CADM2: variants seen among roughly 807,000 people sequenced by gnomAD.
The protein encoded by CADM2 is cell adhesion molecule 2, also known as immunoglobulin superfamily member 4D.
A neutral mutation model predicts 49.8 loss-of-function variants in CADM2; 12 were observed. The ratio of observed to expected loss-of-function variants is 0.24; its 90% CI spans 0.15 to 0.39. The LOEUF (loss-of-function observed/expected upper bound fraction) is 0.39. Among genes scored for constraint, CADM2 ranks in the 10% least tolerant of loss-of-function variants. The pLI, the probability that CADM2 is intolerant of heterozygous loss-of-function variation, is 1.00. For missense variants in CADM2, 378 were observed against 492.3 expected, an observed-to-expected ratio of 0.77 and a Z score of 2.20; for synonymous variants, 214 against 175.4, an observed-to-expected ratio of 1.22 and a Z score of -1.74.
At chr3:85,592,581 T>C (rs549286102) in intron 1 of CADM2, among the ~76,000 whole-genome samples, 1 of 152,076 alleles carries the variant, frequency 6.6e-6, no homozygotes, top group African/African-American at 2.4e-5. Context: ...CCTTTATATC[T>C]AGACCTTCAT....
intron 6 of CADM2, among the ~76,000 whole-genome samples, chr3:85,923,964 A>T (rs2108509939): frequency 6.6e-6 from 1 of 152,228 alleles, no homozygotes; most frequent in East Asian, 1.9e-4. Context: ...TTTTATTCTT[A>T]TGTTATTCTT....
Position 85,287,866 on chromosome 3 carries a change from A to G in CADM2, c.61+328198A>G, listed in dbSNP as rs190561204. ...GCAAGGACCAAAAACCAAACACCACATGTTCTCACTTATAGGTGGAAACTG... is the reference window on the plus strand; with the variant it reads ...GCAAGGACCAAAAACCAAACACCACGTGTTCTCACTTATAGGTGGAAACTG... On this transcript the variant is annotated intron_variant, in intron 1 of 9. Coordinates refer to ENST00000383699, the MANE Select transcript of CADM2 (RefSeq NM_001167675.2). Among the ~76,000 whole-genome samples, 370 of 148,492 alleles carry G rather than the reference A, an allele frequency of 2.5e-3. 1 individual carries two copies. Among genetic ancestry groups the G allele is most frequent in the Non-Finnish European group, 4.1e-3 (277 of 67,138 alleles).
chr3:85,913,583 G>T (rs550960201), intron 6 of CADM2, among the ~76,000 whole-genome samples: 27 of 151,990 alleles, frequency 1.8e-4, no homozygotes, highest in African/African-American at 6.3e-4. Context: ...ATTGTTTTGG[G>T]CACTGGGGTT....
Position 85,196,061 on chromosome 3 carries a change from TG to T in CADM2, c.61+236396del, listed in dbSNP as rs111761389. Among the ~76,000 whole-genome samples the T allele has an allele frequency of 3.9e-3, 589 of 152,176 alleles. 3 individuals carry two copies. The highest frequency in any genetic ancestry group is 0.013 in the African/African-American group (525 of 41,564). ...TTATGCACATGGAAAATCTTTATGCTGGGTTAGAGTGTCCCCAGCAGCTGGT... is the reference window on the plus strand; with the variant it reads ...TTATGCACATGGAAAATCTTTATGCTGGTTAGAGTGTCCCCAGCAGCTGGT... On this transcript the variant is annotated intron_variant, in intron 1 of 9. Transcript: ENST00000383699.
At chr3:85,035,678 T>C (rs1172423721) in intron 1 of CADM2, among the ~76,000 whole-genome samples, 2 of 152,172 alleles carry the variant, frequency 1.3e-5, no homozygotes, top group African/African-American at 4.8e-5. Context: ...TTGAAGAGAC[T>C]GTTCTTTCCC....
At chr3:85,885,445 G>A (rs1713465152) in intron 4 of CADM2, among the ~76,000 whole-genome samples, 1 of 151,648 alleles carries the variant, frequency 6.6e-6, no homozygotes. Context: ...GGCTGAAGTG[G>A]GCAGATCACG....
chr3:85,305,851 C>T (rs1209589780), intron 1 of CADM2, among the ~76,000 whole-genome samples: 2 of 151,586 alleles, frequency 1.3e-5, no homozygotes, highest in Admixed American at 6.6e-5. Flanking sequence ...ATCTAAAACA[C>T]ATAAATACAT....
intron 8 of CADM2, among the ~76,000 whole-genome samples, chr3:86,025,433 CT>C (rs111482424): frequency 0.099 from 14,832 of 149,078 alleles, 1,696 homozygotes; most frequent in African/African-American, 0.27. Context: ...CTTCTAAGGA[CT>C]TTTTTTTTTG....
At chr3:85,575,882 G>A (rs893641349) in intron 1 of CADM2, among the ~76,000 whole-genome samples, 2 of 152,180 alleles carry the variant, frequency 1.3e-5, no homozygotes, top group Non-Finnish European at 2.9e-5. Context: ...GAATGAGTAT[G>A]TACTGAAGAT....
At chr3:86,039,485 G>A (rs779200982) in intron 8 of CADM2, among the ~76,000 whole-genome samples, 5 of 152,236 alleles carry the variant, frequency 3.3e-5, no homozygotes, top group Non-Finnish European at 2.9e-5. Context: ...CTCACTCATC[G>A]CTAGCACAGC....
At chr3:85,392,256 A>G (rs983437822) in intron 1 of CADM2, among the ~76,000 whole-genome samples, 4 of 152,118 alleles carry the variant, frequency 2.6e-5, no homozygotes. Context: ...CCTTTCACTA[A>G]TATTGATGTT....
chr3:85,689,805 G>A (rs145140696), intron 1 of CADM2, among the ~76,000 whole-genome samples: 1 of 152,334 alleles, frequency 6.6e-6, no homozygotes, highest in African/African-American at 2.4e-5. Context: ...AGCAGTGCCT[G>A]TGGAGAATAT....
At position 84,959,476 on chromosome 3, in the gene CADM2, C is replaced by T. The variant is rs1176216338; in HGVS notation, c.-132C>T. ...CGATCCGAGTCCGCGGGTTCGAACA[C>T]CGCAGCGGTGGGGACGGTGGGTCCG... On this transcript the variant is annotated 5_prime_UTR_variant, in exon 1 of 10. Transcript: ENST00000383699. 1 of 862,380 alleles carries T rather than the reference C, an allele frequency of 1.2e-6. No homozygotes were observed. The highest frequency in any genetic ancestry group is 1.8e-6 in the Non-Finnish European group (1 of 557,986). The allele number at this position is 862,380 out of a possible 1,614,324, so 53.4% of individuals were successfully genotyped here. A position where few individuals can be genotyped will look rare whatever the true frequency, so the allele number is the denominator to read the frequency against.
At chr3:85,573,350 G>C (rs938440166) in intron 1 of CADM2, among the ~76,000 whole-genome samples, 2 of 151,898 alleles carry the variant, frequency 1.3e-5, no homozygotes, top group African/African-American at 4.8e-5. Context: ...ATGCCACCAG[G>C]CTCAGCTAAG....
chr3:85,534,757 C>G (rs1475626392), intron 1 of CADM2, among the ~76,000 whole-genome samples: 1 of 152,134 alleles, frequency 6.6e-6, no homozygotes, highest in East Asian at 1.9e-4. Flanking sequence ...TTTTAATTTT[C>G]ATGTAATTTA....
chr3:85,527,685 A>G (rs932751029), intron 1 of CADM2, among the ~76,000 whole-genome samples: 4 of 152,110 alleles, frequency 2.6e-5, no homozygotes, highest in Admixed American at 1.3e-4. Flanking sequence ...TGTTTTTATA[A>G]CATAACATGA....
chr3:85,294,529 A>C (rs2043899020), intron 1 of CADM2, among the ~76,000 whole-genome samples: 1 of 152,086 alleles, frequency 6.6e-6, no homozygotes, highest in South Asian at 2.1e-4. Flanking sequence ...ACACTACCTG[A>C]CTTCAAACTA....
At chr3:85,473,515 G>T (rs982090949) in intron 1 of CADM2, among the ~76,000 whole-genome samples, 2 of 152,000 alleles carry the variant, frequency 1.3e-5, no homozygotes, top group African/African-American at 4.8e-5. Context: ...TTCTGGAAGC[G>T]CTTTGCTTTG....
At chr3:85,586,809 A>C (rs565437322) in intron 1 of CADM2, among the ~76,000 whole-genome samples, 1 of 152,196 alleles carries the variant, frequency 6.6e-6, no homozygotes, top group African/African-American at 2.4e-5. Flanking sequence ...CAAAAGAGAA[A>C]AGTATCCATG....
Sources: allele counts gnomAD v4.1 joint callset (sites outside exome capture counted in the v4.1 genomes callset), GRCh38; gene constraint gnomAD v4.1.1; transcripts MANE v1.5; gene names NCBI Gene and HGNC (gene_info 2026-07-23, HGNC 2026-07-21).